The following IQCH variants were observed in gnomAD, a reference collection of about 807,000 sequenced individuals.
IQCH encodes the protein IQ motif containing H, also known as IQ domain-containing protein H.
A neutral mutation model predicts 117.0 loss-of-function variants in IQCH; 98 were observed. That is an observed-to-expected ratio of 0.84 (90% CI 0.71 to 0.99). IQCH has a LOEUF of 0.99. Ranked by LOEUF, IQCH falls within the 50% of genes least tolerant of loss-of-function variation. The pLI is 0.00. For missense variants in IQCH, 1,102 were observed against 1,243.8 expected, an observed-to-expected ratio of 0.89 and a Z score of 1.72; for synonymous variants, 412 against 448.2, an observed-to-expected ratio of 0.92 and a Z score of 1.02.
At chr15:67,449,703 T>C (rs1257714150) in intron 16 of IQCH, among the ~76,000 whole-genome samples, 2 of 152,210 alleles carry the variant, frequency 1.3e-5, no homozygotes, top group South Asian at 4.1e-4. Context: ...GACTTGGCCA[T>C]GTGGGCTCTT....
intron 5 of IQCH, among the ~76,000 whole-genome samples, chr15:67,343,605 T>C (rs1244414296): frequency 3.9e-5 from 6 of 152,202 alleles, no homozygotes; most frequent in Non-Finnish European, 8.8e-5. Flanking sequence ...TAACTCCTTA[T>C]TTGATAAAGC....
At chr15:67,344,806 A>G (rs953412476) in intron 6 of IQCH, among the ~76,000 whole-genome samples, 6 of 152,228 alleles carry the variant, frequency 3.9e-5, no homozygotes, top group African/African-American at 1.4e-4. Flanking sequence ...CTTTACATTA[A>G]GTGTGAATGT....
At chr15:67,380,206 A>C (rs189607066) in intron 10 of IQCH, among the ~76,000 whole-genome samples, 1 of 152,342 alleles carries the variant, frequency 6.6e-6, no homozygotes, top group African/African-American at 2.4e-5. Flanking sequence ...CTTTAGTTGC[A>C]TGCAATGCTG....
intron 4 of IQCH, among the ~76,000 whole-genome samples, chr15:67,305,994 T>C (rs1267353851): frequency 6.6e-6 from 1 of 152,048 alleles, no homozygotes; most frequent in African/African-American, 2.4e-5. Flanking sequence ...CTGTATTAAA[T>C]CTCCTTTTTC....
intron 2 of IQCH, among the ~76,000 whole-genome samples, chr15:67,262,088 C>CAA (rs34871379): frequency 1.7e-4 from 25 of 147,186 alleles, no homozygotes; most frequent in South Asian, 4.3e-4. Flanking sequence ...GACTCTGTCT[C>CAA]AAAAAAAAAA....
At chr15:67,289,733 T>C (rs574048346) in intron 4 of IQCH, among the ~76,000 whole-genome samples, 16 of 152,262 alleles carry the variant, frequency 1.1e-4, no homozygotes, top group African/African-American at 3.8e-4. Context: ...TTTGCTCTTA[T>C]CAACATTTAG....
At chr15:67,480,386 T>C (rs1438192897) in intron 18 of IQCH, among the ~76,000 whole-genome samples, 1 of 152,230 alleles carries the variant, frequency 6.6e-6, no homozygotes, top group African/African-American at 2.4e-5. Flanking sequence ...ATATCCTTTT[T>C]CCTGCCTTAG....
chr15:67,480,195 T>A (rs766658133), intron 18 of IQCH, among the ~76,000 whole-genome samples: 1 of 152,222 alleles, frequency 6.6e-6, no homozygotes, highest in African/African-American at 2.4e-5. Context: ...GGGAATCATC[T>A]GAGCTGCTCA....
chr15:67,337,194 A>C, intron 5 of IQCH, 99 bp downstream of exon 5: 5 of 1,364,826 alleles, frequency 3.7e-6, no homozygotes, highest in Non-Finnish European at 5.1e-6. Context: ...CTCAGCCACT[A>C]ATTCTCCTGG....
At position 67,311,819 on chromosome 15, in the gene IQCH, C is replaced by G. The variant is rs577244654; in HGVS notation, c.388-25156C>G. ...TCTTTGGCATCAAGTATTACCTCTCCCATGGGTATTTATTTTTTAACAAGA... is the reference window on the plus strand; with the variant it reads ...TCTTTGGCATCAAGTATTACCTCTCGCATGGGTATTTATTTTTTAACAAGA... On this transcript the variant is annotated intron_variant, in intron 4 of 20. Coordinates refer to ENST00000335894, the MANE Select transcript of IQCH (RefSeq NM_001031715.3). Among the ~76,000 whole-genome samples the G allele has an allele frequency of 4.5e-4, 69 of 152,064 alleles. 1 individual carries two copies. In the Middle Eastern group the frequency reaches 0.014, roughly 30 times the overall value.
chr15:67,271,787 AT>A (rs1428781180), intron 3 of IQCH, among the ~76,000 whole-genome samples: 4 of 151,330 alleles, frequency 2.6e-5, no homozygotes, highest in African/African-American at 9.7e-5. Context: ...TTTGTTTCTG[AT>A]TTTATTTATT....
intron 16 of IQCH, among the ~76,000 whole-genome samples, chr15:67,461,056 G>A (rs868198891): frequency 6.6e-6 from 1 of 152,154 alleles, no homozygotes; most frequent in Admixed American, 6.6e-5. Context: ...AGATTCTAAA[G>A]TTACCATCAG....
chr15:67,461,422 C>T (rs1283995920), intron 16 of IQCH, among the ~76,000 whole-genome samples: 1 of 152,180 alleles, frequency 6.6e-6, no homozygotes, highest in Non-Finnish European at 1.5e-5. Context: ...GCCCCAGACA[C>T]GAGGTGCTGC....
chr15:67,339,967 T>C (rs1410582861), intron 5 of IQCH, among the ~76,000 whole-genome samples: 1 of 151,358 alleles, frequency 6.6e-6, no homozygotes, highest in East Asian at 1.9e-4. Context: ...TGGGTAAATT[T>C]CTCTCTTCTA....
chr15:67,399,343 A>C (rs1971567798), intron 13 of IQCH, among the ~76,000 whole-genome samples: 1 of 152,220 alleles, frequency 6.6e-6, no homozygotes, highest in Admixed American at 6.5e-5. Flanking sequence ...ACATGAGCCA[A>C]GGCCTGTCTC....
At chr15:67,338,933 T>C (rs12915601) in intron 5 of IQCH, among the ~76,000 whole-genome samples, 31,900 of 152,168 alleles carry the variant, frequency 0.21, 4,073 homozygotes, top group East Asian at 0.47. Flanking sequence ...CCAAGCACAT[T>C]TGCAGATCAG....
chr15:67,292,659 A>G (rs142921440), intron 4 of IQCH, among the ~76,000 whole-genome samples: 2 of 152,312 alleles, frequency 1.3e-5, no homozygotes, highest in Admixed American at 6.5e-5. Context: ...TTTTTGCTTC[A>G]TCTATTTTTA....
intron 14 of IQCH, among the ~76,000 whole-genome samples, chr15:67,415,293 C>T (rs369632662): frequency 1.3e-5 from 2 of 152,154 alleles, no homozygotes; most frequent in African/African-American, 4.8e-5. Context: ...GTTTCCTTGT[C>T]TCTGCATCAC....
intron 5 of IQCH, among the ~76,000 whole-genome samples, chr15:67,337,550 C>A (rs1968950885): frequency 1.3e-5 from 2 of 152,138 alleles, no homozygotes; most frequent in South Asian, 4.1e-4. Context: ...CTTGTGAAAC[C>A]AGTGGATTTT....
Sources: gnomAD v4.1 joint callset for allele counts (sites outside exome capture counted in the v4.1 genomes callset) on GRCh38, gnomAD v4.1.1 for gene constraint, MANE v1.5 for transcripts, NCBI Gene and HGNC (gene_info 2026-07-23, HGNC 2026-07-21) for gene names.